HERC1: variants seen among roughly 807,000 people sequenced by gnomAD.
HERC1 encodes the protein probable E3 ubiquitin-protein ligase HERC1.
HERC1 carries 160 observed loss-of-function variants against 554.3 expected under a neutral mutation model. That is an observed-to-expected ratio of 0.29 (90% CI 0.25 to 0.33). The LOEUF (loss-of-function observed/expected upper bound fraction) is 0.33. HERC1 is among the 10% of genes least tolerant of loss of function. HERC1 has a pLI of 1.00. For missense variants in HERC1, 4,919 were observed against 5,918.5 expected, an observed-to-expected ratio of 0.83 and a Z score of 5.54; for synonymous variants, 2,175 against 2,131.7, an observed-to-expected ratio of 1.02 and a Z score of -0.56.
chr15:63,704,213 T>G (rs2072882205), intron 25 of HERC1, among the ~76,000 whole-genome samples: 1 of 152,240 alleles, frequency 6.6e-6, no homozygotes, highest in African/African-American at 2.4e-5. Context: ...TTGTAAAATC[T>G]CTTTGAAAAT....
intron 74 of HERC1, among the ~76,000 whole-genome samples, chr15:63,622,227 A>C (rs1426364649): frequency 1.3e-5 from 2 of 152,184 alleles, no homozygotes; most frequent in East Asian, 3.8e-4. Context: ...TCAGAAACAT[A>C]AATCAGGTTT....
At chr15:63,613,308 TA>T (rs2067681210) in intron 76 of HERC1, among the ~76,000 whole-genome samples, 6 of 152,218 alleles carry the variant, frequency 3.9e-5, no homozygotes, top group Non-Finnish European at 5.9e-5. Flanking sequence ...CTTAGCATCA[TA>T]GTGCTGGGCA....
chr15:63,701,852 G>A (rs1369788194), intron 25 of HERC1, among the ~76,000 whole-genome samples: 1 of 151,782 alleles, frequency 6.6e-6, no homozygotes, highest in African/African-American at 2.4e-5. Flanking sequence ...GATAACTTTG[G>A]TTTGCTCTGT....
Position 63,713,566 on chromosome 15 carries a change from G to A in HERC1, c.4250C>T (p.Pro1417Leu). 3.1e-6 allele frequency: 5 copies of A among 1,613,890 alleles called. No homozygotes were observed. Among genetic ancestry groups the A allele is most frequent in the Non-Finnish European group, 4.2e-6 (5 of 1,179,858 alleles). Residue 1417 changes from proline to leucine, a missense_variant, in exon 23 of 78, where the codon CCA becomes CTA. By Grantham distance (98) the Pro-to-Leu change is moderately conservative. Around this residue, in one of 11 missense-constraint regions of HERC1, gnomAD observed 1,121 missense variants for 1,244.0 expected, o/e 0.90. Coordinates refer to ENST00000443617, the MANE Select transcript of HERC1 (RefSeq NM_003922.4). ...GAGSGARADD[P>L]PPQSQQERRV... Reference sequence around the variant, plus strand: ...TCGCTCTTGCTGAGACTGAGGAGGTGGATCATCAGCTCGAGCCCCAGACCC... The same window carrying A: ...TCGCTCTTGCTGAGACTGAGGAGGTAGATCATCAGCTCGAGCCCCAGACCC...
Position 63,686,405 on chromosome 15 carries a change from T to C in HERC1, c.6179A>G (p.Tyr2060Cys). Residue 2060 changes from tyrosine to cysteine, a missense_variant, in exon 34 of 78, where the codon TAT becomes TGT. Coordinates refer to ENST00000443617, the MANE Select transcript of HERC1 (RefSeq NM_003922.4). The part of the protein sequence containing the change: ...ILTHGSGGKG[Y>C]GLASTGVTSG... Reference sequence around the variant, plus strand: ...AGTTACTCCTGTAGATGCCAATCCATATCCTTTCCCTCCACTGCCGTGAGT... The same window carrying C: ...AGTTACTCCTGTAGATGCCAATCCACATCCTTTCCCTCCACTGCCGTGAGT... 6.2e-7 allele frequency: 1 copy of C among 1,613,796 alleles called. No homozygotes were observed. The highest frequency in any genetic ancestry group is 8.5e-7 in the Non-Finnish European group (1 of 1,179,760).
chr15:63,717,488 GTTATCAAGA>G (rs1271281567), intron 21 of HERC1, among the ~76,000 whole-genome samples: 1 of 152,198 alleles, frequency 6.6e-6, no homozygotes, highest in Admixed American at 6.5e-5. Context: ...TTACGATCAT[GTTATCAAGA>G]TTACCAAGCA....
chr15:63,786,407 C>T (rs1368738899), intron 1 of HERC1, among the ~76,000 whole-genome samples: 3 of 151,994 alleles, frequency 2.0e-5, no homozygotes, highest in Non-Finnish European at 1.5e-5. Flanking sequence ...TAGATCTATA[C>T]CCAAGTGAAC....
At position 63,690,636 on chromosome 15, in the gene HERC1, C is replaced by G. The variant is rs1390152997; in HGVS notation, c.5842G>C (p.Val1948Leu). The change falls in exon 32 of 78, where the codon GTT becomes CTT. Residue 1948 changes from valine to leucine, a missense_variant. Transcript: ENST00000443617. The part of the protein sequence containing the change: ...SQKCSSGIPL[V>L]GNLRTRLLAL... ...AGGAGCCTTGTTCTTAAGTTACCAACCAGAGGGATACCTGGAGGGGAAAAG... is the reference window on the plus strand; with the variant it reads ...AGGAGCCTTGTTCTTAAGTTACCAAGCAGAGGGATACCTGGAGGGGAAAAG... The G allele has an allele frequency of 6.3e-7, 1 of 1,595,346 alleles. No individual in the cohort carries two copies. The highest frequency in any genetic ancestry group is 8.6e-7 in the Non-Finnish European group (1 of 1,165,038).
intron 1 of HERC1, among the ~76,000 whole-genome samples, chr15:63,806,037 C>T (rs2077128479): frequency 6.6e-6 from 1 of 152,042 alleles, no homozygotes; most frequent in Non-Finnish European, 1.5e-5. Flanking sequence ...CTAGAACCTC[C>T]TTTTTCTTCT....
intron 63 of HERC1, 139 bp downstream of exon 63, chr15:63,638,272 G>A (rs2068874860): frequency 3.4e-6 from 3 of 884,954 alleles, no homozygotes; most frequent in Non-Finnish European, 5.2e-6. Context: ...TTATTTGAAA[G>A]CTATATATCA....
At chr15:63,732,140 A>G (rs781469923) in intron 14 of HERC1, among the ~76,000 whole-genome samples, 42 of 152,000 alleles carry the variant, frequency 2.8e-4, no homozygotes, top group Non-Finnish European at 5.0e-4. Context: ...AGCTGGGACT[A>G]TAGATGCCAG....
At chr15:63,806,997 C>A (rs751644353) in intron 1 of HERC1, among the ~76,000 whole-genome samples, 2 of 152,228 alleles carry the variant, frequency 1.3e-5, no homozygotes, top group Non-Finnish European at 2.9e-5. Context: ...CCACCCACCT[C>A]GGCCTCCCAA....
chr15:63,733,270 G>C (rs2074370772), intron 13 of HERC1, 125 bp from the exon 14 acceptor site: 2 of 645,176 alleles, frequency 3.1e-6, no homozygotes, highest in African/African-American at 3.6e-5. Flanking sequence ...TCTTCAGGAA[G>C]TACATAATTA....
chr15:63,651,743 A>G (rs6494420), intron 52 of HERC1, among the ~76,000 whole-genome samples: 14,498 of 152,264 alleles, frequency 0.095, 890 homozygotes, highest in African/African-American at 0.16. Flanking sequence ...TGGCTATAAA[A>G]CTATTAAAAA....
rs1208964817 is a variant in HERC1, at chr15:63,663,749, TG to T, written c.8681-546del. Among the ~76,000 whole-genome samples the T allele has an allele frequency of 3.3e-5, 5 of 152,186 alleles. 1 individual carries two copies. Among genetic ancestry groups the T allele is most frequent in the Admixed American group, 2.6e-4 (4 of 15,272 alleles). On this transcript the variant is annotated intron_variant, in intron 43 of 77. Coordinates refer to ENST00000443617, the MANE Select transcript of HERC1 (RefSeq NM_003922.4). Reference sequence around the variant, plus strand: ...TGCTGGGATTATAGGCATGAGCCACTGATATAATGTTAATCATATAGAAAAA... The same window carrying T: ...TGCTGGGATTATAGGCATGAGCCACTATATAATGTTAATCATATAGAAAAA...
At chr15:63,817,197 T>C (rs1188771528) in intron 1 of HERC1, among the ~76,000 whole-genome samples, 3 of 152,090 alleles carry the variant, frequency 2.0e-5, no homozygotes, top group Non-Finnish European at 4.4e-5. Context: ...TGAACCTTAT[T>C]TGGATGTCAC....
At chr15:63,683,627 G>A (rs148547017) in intron 34 of HERC1, among the ~76,000 whole-genome samples, 44 of 152,236 alleles carry the variant, frequency 2.9e-4, no homozygotes, top group Non-Finnish European at 4.9e-4. Flanking sequence ...AAACACTATT[G>A]TCAGGTCCTA....
chr15:63,833,416 G>A (rs953033595), intron 1 of HERC1, among the ~76,000 whole-genome samples: 2 of 152,282 alleles, frequency 1.3e-5, no homozygotes, highest in Admixed American at 6.5e-5. Context: ...GCCGCCCGCG[G>A]ACCGAGCCCC....
At chr15:63,765,623 C>A (rs2075750568) in intron 2 of HERC1, among the ~76,000 whole-genome samples, 1 of 152,172 alleles carries the variant, frequency 6.6e-6, no homozygotes, top group South Asian at 2.1e-4. Flanking sequence ...ATTCCACTAA[C>A]TCTTTCAACG....
Sources: gnomAD v4.1 joint callset for allele counts (sites outside exome capture counted in the v4.1 genomes callset) on GRCh38, gnomAD v4.1.1 for gene constraint, gnomAD v4.1.1 regional missense constraint, MANE v1.5 for transcripts, NCBI Gene and HGNC (gene_info 2026-07-23, HGNC 2026-07-21) for gene names.